The following ODAD2 variants were observed in gnomAD, a reference collection of about 807,000 sequenced individuals.
The protein encoded by ODAD2 is outer dynein arm-docking complex subunit 2.
A neutral mutation model predicts 106.8 loss-of-function variants in ODAD2; 89 were observed. The ratio of observed to expected loss-of-function variants is 0.83; its 90% CI spans 0.70 to 0.99. The LOEUF is 0.99. ODAD2 is among the 50% of genes least tolerant of loss of function. The pLI is 0.00. For missense variants in ODAD2, 1,168 were observed against 1,238.5 expected (o/e 0.94, Z 0.85); for synonymous variants, 404 against 436.2 (o/e 0.93, Z 0.92).
intron 3 of ODAD2, among the ~76,000 whole-genome samples, chr10:27,985,897 TGG>T (rs1214054608): frequency 6.6e-6 from 1 of 151,940 alleles, no homozygotes; most frequent in Non-Finnish European, 1.5e-5. Flanking sequence ...AAACAGAATT[TGG>T]TTAATGTCAA....
intron 16 of ODAD2, among the ~76,000 whole-genome samples, chr10:27,908,867 A>G (rs1192247788): frequency 1.3e-5 from 2 of 152,212 alleles, no homozygotes; most frequent in African/African-American, 4.8e-5. Context: ...GGTGATGTAA[A>G]TAGCCGATAG....
chr10:27,988,735 A>C (rs1471253715), intron 2 of ODAD2, among the ~76,000 whole-genome samples: 8 of 152,206 alleles, frequency 5.3e-5, no homozygotes, highest in Admixed American at 3.9e-4. Context: ...ATTACTTATT[A>C]CTGACGATCT....
intron 17 of ODAD2, among the ~76,000 whole-genome samples, chr10:27,875,145 A>G (rs1841230366): frequency 6.6e-6 from 1 of 152,164 alleles, no homozygotes; most frequent in Non-Finnish European, 1.5e-5. Context: ...AGTTGATTGA[A>G]TCGGCTACTA....
At chr10:27,821,062 G>T (rs945855056) in intron 19 of ODAD2, among the ~76,000 whole-genome samples, 1 of 152,144 alleles carries the variant, frequency 6.6e-6, no homozygotes, top group Non-Finnish European at 1.5e-5. Context: ...TTATAGGCGT[G>T]AGCCACCGTG....
At chr10:27,816,215 A>T (rs553383827) in intron 19 of ODAD2, among the ~76,000 whole-genome samples, 10 of 152,334 alleles carry the variant, frequency 6.6e-5, no homozygotes, top group African/African-American at 2.2e-4. Context: ...TCCCTGTCTG[A>T]TGAACTATTC....
intron 7 of ODAD2, among the ~76,000 whole-genome samples, chr10:27,974,058 T>C (rs2133021999): frequency 6.6e-6 from 1 of 152,256 alleles, no homozygotes; most frequent in East Asian, 1.9e-4. Flanking sequence ...TTTCACATGC[T>C]TGTTGGCCAC....
chr10:27,961,198 A>G (rs1848112842), intron 10 of ODAD2, among the ~76,000 whole-genome samples: 1 of 152,322 alleles, frequency 6.6e-6, no homozygotes, highest in African/African-American at 2.4e-5. Context: ...TAACGTTTCA[A>G]CAGCTACGTT....
At chr10:27,969,105 G>T in intron 8 of ODAD2, 87 bp from the exon 9 acceptor site, 3 of 554,816 alleles carry the variant, frequency 5.4e-6, no homozygotes, top group Non-Finnish European at 9.6e-6. Flanking sequence ...TATATACTCC[G>T]TTATTTCCAT....
intron 17 of ODAD2, among the ~76,000 whole-genome samples, chr10:27,905,501 A>C (rs1434686053): frequency 2.0e-5 from 3 of 152,226 alleles, no homozygotes; most frequent in Non-Finnish European, 2.9e-5. Context: ...TTCTTCACAG[A>C]ATTACAAAAA....
At position 27,890,783 on chromosome 10, in the gene ODAD2, A is replaced by C. The variant is rs1380555952; in HGVS notation, c.2610+16880T>G. On this transcript the variant is annotated intron_variant, in intron 17 of 19. Transcript: ENST00000305242. ...GTATATATATATTTAAAAAAAAAAA[A>C]AACTTGTATTATCATTCGTTACTCT... is the stretch of plus-strand genomic sequence containing the variant. Among the ~76,000 whole-genome samples the C allele has an allele frequency of 3.3e-5, 5 of 151,890 alleles. No homozygotes were observed. The East Asian group carries it at 5.8e-4, about 18-fold the overall frequency.
intron 19 of ODAD2, among the ~76,000 whole-genome samples, chr10:27,843,597 C>T (rs775055451): frequency 5.3e-5 from 8 of 151,990 alleles, no homozygotes; most frequent in Non-Finnish European, 7.4e-5. Flanking sequence ...GAAACACCAC[C>T]TATACTAAAA....
At chr10:27,973,613 A>G (rs1463591869) in intron 7 of ODAD2, among the ~76,000 whole-genome samples, 1 of 152,076 alleles carries the variant, frequency 6.6e-6, no homozygotes, top group African/African-American at 2.4e-5. Flanking sequence ...AAAGGACAGG[A>G]TCACATTCTT....
chr10:27,989,878 A>T (rs1220254882), intron 2 of ODAD2, among the ~76,000 whole-genome samples: 3 of 152,186 alleles, frequency 2.0e-5, no homozygotes, highest in Non-Finnish European at 4.4e-5. Flanking sequence ...GATTTGAAAA[A>T]TAAAAAACGC....
At chr10:27,959,096 G>C in intron 10 of ODAD2, 1 of 1,018,708 alleles carries the variant, frequency 9.8e-7, no homozygotes, top group Non-Finnish European at 1.3e-6. Context: ...CAGCACTTTG[G>C]GAGGCCAATG....
chr10:27,836,715 A>G (rs956113351), intron 19 of ODAD2, among the ~76,000 whole-genome samples: 2 of 152,210 alleles, frequency 1.3e-5, no homozygotes, highest in African/African-American at 4.8e-5. Context: ...TTAGGATTTC[A>G]AGGAATACGA....
intron 16 of ODAD2, among the ~76,000 whole-genome samples, chr10:27,920,383 G>A (rs535997889): frequency 1.3e-3 from 200 of 152,280 alleles, no homozygotes; most frequent in Non-Finnish European, 2.2e-3. Flanking sequence ...CCCACTCACA[G>A]TAAATAGTAC....
intron 16 of ODAD2, among the ~76,000 whole-genome samples, chr10:27,927,949 C>A (rs375997606): frequency 6.6e-6 from 1 of 152,068 alleles, no homozygotes; most frequent in African/African-American, 2.4e-5. Context: ...TACACCCAAC[C>A]CATCCCTCTA....
In ODAD2 at chr10:27,944,291, A is replaced by T; in HGVS notation, c.1674T>A (p.Thr558=). 6.2e-7 allele frequency: 1 copy of T among 1,614,044 alleles called. No individual in the cohort carries two copies. The highest frequency in any genetic ancestry group is 8.5e-7 in the Non-Finnish European group (1 of 1,180,000). The part of the protein sequence containing the change: ...HKSLKCLAAE[T]IANVAKFKRA... Reference sequence around the variant, plus strand: ...TTTTAAACTTGGCAACATTCGCGATAGTCTCGGCTGCCAAACATTTTAGAC... The same window carrying T: ...TTTTAAACTTGGCAACATTCGCGATTGTCTCGGCTGCCAAACATTTTAGAC... Residue 558 remains threonine, a synonymous_variant, in exon 12 of 20, where the codon ACT becomes ACA. Coordinates refer to ENST00000305242, the MANE Select transcript of ODAD2 (RefSeq NM_018076.5).
At chr10:27,871,042 A>C (rs1028560593) in intron 17 of ODAD2, among the ~76,000 whole-genome samples, 25 of 152,170 alleles carry the variant, frequency 1.6e-4, no homozygotes, top group South Asian at 1.2e-3. Flanking sequence ...TTAATGATCG[A>C]CATTCTAACT....
Sources: gnomAD v4.1 joint callset for allele counts (sites outside exome capture counted in the v4.1 genomes callset) on GRCh38, gnomAD v4.1.1 for gene constraint, MANE v1.5 for transcripts, NCBI Gene and HGNC (gene_info 2026-07-23, HGNC 2026-07-21) for gene names.